The following GARS1 variants were observed in gnomAD, a reference collection of about 807,000 sequenced individuals.
GARS1 encodes the protein glycine--tRNA ligase.
In GARS1, 46 loss-of-function variants were observed where a neutral mutation model predicts 86.4. The ratio of observed to expected loss-of-function variants is 0.53; its 90% CI spans 0.42 to 0.68. The LOEUF is 0.68. Among genes scored for constraint, GARS1 ranks in the 30% least tolerant of loss-of-function variants. GARS1 has a pLI of 0.00. For synonymous variants in GARS1, 342 were observed against 329.8 expected (o/e 1.04, Z -0.40); for missense variants, 797 against 915.6 (o/e 0.87, Z 1.67).
In GARS1 at chr7:30,628,683, T is replaced by C. The variant is rs367739730; in HGVS notation, c.1809+14T>C. The C allele has an allele frequency of 1.1e-4, 163 of 1,539,890 alleles. No individual in the cohort carries two copies. Among genetic ancestry groups the C allele is most frequent in the Middle Eastern group, 1.7e-4 (1 of 5,928 alleles). ...GAACAGAGAACAGTAAGTTGTTGTG[T>C]ACAGTGTGCTGTTATAGTGTCAGAA... On this transcript the variant is annotated intron_variant, in intron 14 of 16. Coordinates refer to ENST00000389266, the MANE Select transcript of GARS1 (RefSeq NM_002047.4).
rs182324058 is a variant in GARS1, at chr7:30,607,603, G to C, written c.736-1982G>C. On this transcript the variant is annotated intron_variant, in intron 6 of 16. Coordinates refer to ENST00000389266, the MANE Select transcript of GARS1 (RefSeq NM_002047.4). ...AGGAGAAATACCTAATGTAAATGAC[G>C]AGTTGATGGGTGCAGCAAACCAACA... Among the ~76,000 whole-genome samples, 534 of 152,222 alleles carry C rather than the reference G, an allele frequency of 3.5e-3. 3 individuals carry two copies. Among genetic ancestry groups the C allele is most frequent in the African/African-American group, 0.012 (498 of 41,538 alleles).
chr7:30,604,111 A>C (rs536713659), intron 6 of GARS1, among the ~76,000 whole-genome samples: 15 of 152,306 alleles, frequency 9.8e-5, no homozygotes, highest in Non-Finnish European at 2.1e-4. Flanking sequence ...GAGACCACAG[A>C]GATAATTTAT....
intron 1 of GARS1, among the ~76,000 whole-genome samples, chr7:30,595,411 G>T (rs570233210): frequency 1.3e-5 from 2 of 152,062 alleles, no homozygotes; most frequent in Non-Finnish European, 2.9e-5. Flanking sequence ...CTCCGGCTCC[G>T]TTCTCCCTTC....
At chr7:30,597,615 T>G (rs1297807397) in intron 1 of GARS1, among the ~76,000 whole-genome samples, 2 of 151,942 alleles carry the variant, frequency 1.3e-5, no homozygotes, top group Non-Finnish European at 2.9e-5. Context: ...CAAGCCACCT[T>G]GAGTGAGACT....
At chr7:30,625,553 A>G (rs1420732469) in intron 12 of GARS1, among the ~76,000 whole-genome samples, 1 of 152,210 alleles carries the variant, frequency 6.6e-6, no homozygotes, top group East Asian at 1.9e-4. Flanking sequence ...GATATTCAAA[A>G]TGTGAGGAAA....
chr7:30,615,481 T>A (rs1782873727), intron 8 of GARS1, among the ~76,000 whole-genome samples: 1 of 152,230 alleles, frequency 6.6e-6, no homozygotes, highest in Non-Finnish European at 1.5e-5. Flanking sequence ...TTTCCTAATT[T>A]AAAAAACTAT....
chr7:30,632,408 C>T lies in GARS1; in HGVS notation c.2065C>T (p.Arg689Cys), dbSNP rs376308368. The change falls in exon 16 of 17, where the codon CGT (arginine) becomes TGT (cysteine). Residue 689 changes from arginine (R) to cysteine (C), a missense_variant. Around this residue, in one of 2 missense-constraint regions of GARS1, gnomAD observed 598 missense variants for 738.7 expected, o/e 0.81. Transcript: ENST00000389266. The surrounding 1 kb of genome is among the most constrained non-coding windows in gnomAD (Gnocchi z 4.1). Reference protein sequence around the residue: ...KTPHTATLRDRDSMRQIRAEI... With the variant: ...KTPHTATLRDCDSMRQIRAEI... Reference sequence around the variant, plus strand: ...CCCCCACACTGCAACTCTGAGGGACCGTGACTCAATGCGGCAGATAAGAGC... The same window carrying T: ...CCCCCACACTGCAACTCTGAGGGACTGTGACTCAATGCGGCAGATAAGAGC... 16 of 1,614,132 alleles carry T rather than the reference C, an allele frequency of 9.9e-6. No homozygotes were observed. The highest frequency in any genetic ancestry group is 1.3e-5 in the African/African-American group (1 of 75,042).
At chr7:30,599,432 T>C (rs973642202) in intron 2 of GARS1, among the ~76,000 whole-genome samples, 1 of 152,126 alleles carries the variant, frequency 6.6e-6, no homozygotes, top group Admixed American at 6.6e-5. Context: ...AGATGGAGTC[T>C]CGCCCTGTTG....
chr7:30,606,228 G>T (rs947773846), intron 6 of GARS1, among the ~76,000 whole-genome samples: 1 of 151,558 alleles, frequency 6.6e-6, no homozygotes, highest in Non-Finnish European at 1.5e-5. Context: ...TCTGTGGGCT[G>T]TGGCCATTGA....
At chr7:30,606,509 C>T (rs967497216) in intron 6 of GARS1, among the ~76,000 whole-genome samples, 2 of 152,074 alleles carry the variant, frequency 1.3e-5, no homozygotes, top group Non-Finnish European at 2.9e-5. Context: ...CCTGCCTTTT[C>T]GTTTTTTCCT....
intron 6 of GARS1, 113 bp downstream of exon 6, chr7:30,603,685 G>A: frequency 1.3e-6 from 1 of 794,656 alleles, no homozygotes; most frequent in Non-Finnish European, 2.2e-6. Flanking sequence ...TTGTAATGAA[G>A]CAGAGGTTAA....
rs886062274 is a variant in GARS1, at chr7:30,633,851, C to T, written c.2211C>T (p.Ile737=). The part of the protein sequence containing the change: ...EGQETGKKET[I]EE ...AAGAGACTGGTAAAAAAGAGACAAT[C>T]GAGGAATGAGGACAATTTTGACAAC... Residue 737 remains isoleucine, a synonymous_variant, in exon 17 of 17, where the codon ATC becomes ATT. Transcript: ENST00000389266. The T allele has an allele frequency of 7.5e-6, 12 of 1,592,230 alleles. No homozygotes were observed. Among genetic ancestry groups the T allele is most frequent in the Admixed American group, 3.4e-5 (2 of 59,152 alleles).
intron 1 of GARS1, among the ~76,000 whole-genome samples, chr7:30,596,464 G>A (rs535988293): frequency 6.6e-6 from 1 of 151,702 alleles, no homozygotes; most frequent in African/African-American, 2.4e-5. Flanking sequence ...CCCTTTAGAA[G>A]GAAGCATACA....
At chr7:30,624,168 G>A (rs982926492) in intron 12 of GARS1, among the ~76,000 whole-genome samples, 28 of 151,918 alleles carry the variant, frequency 1.8e-4, no homozygotes, top group African/African-American at 6.5e-4. Context: ...TGTGCAGTCC[G>A]AGACAGTTCT....
At chr7:30,622,245 G>GA in intron 11 of GARS1, 72 bp from the exon 12 acceptor site, 3 of 1,573,140 alleles carry the variant, frequency 1.9e-6, no homozygotes, top group Non-Finnish European at 2.6e-6. Flanking sequence ...GTTGATGATT[G>GA]ATTGTTCTCA....
At position 30,595,059 on chromosome 7, in the gene GARS1, GC is replaced by G. The variant is rs1466691619; in HGVS notation, c.141del (p.Ala48ProfsTer20). 6.4e-7 allele frequency: 1 copy of G among 1,552,376 alleles called. No individual in the cohort carries two copies. The highest frequency in any genetic ancestry group is 8.7e-7 in the Non-Finnish European group (1 of 1,155,136). The part of the protein sequence containing the change: ...SAASCPPISL[P>X]AAASRSSMDG... ...CGGCCTCCTGCCCCCCGATCTCCTT[GC>G]CCGCCGCCGCCTCCCGGAGCAGCAT... On this transcript the variant is annotated frameshift_variant, in exon 1 of 17. Coordinates refer to ENST00000389266, the MANE Select transcript of GARS1 (RefSeq NM_002047.4). LOFTEE classifies it high-confidence loss of function.
At chr7:30,622,099 C>A in intron 11 of GARS1, 1 of 575,144 alleles carries the variant, frequency 1.7e-6, no homozygotes, top group Admixed American at 2.8e-5. Flanking sequence ...CTCACTGTAA[C>A]TGGAAAAGTT....
rs148882918 is a variant in GARS1 at position 30,615,126 on chromosome 7, C to T, written c.1032-770C>T. On this transcript the variant is annotated intron_variant, in intron 8 of 16. Coordinates refer to ENST00000389266, the MANE Select transcript of GARS1 (RefSeq NM_002047.4). ...GAAACCATTACTATGTGCACTTCAT[C>T]GTTAGGTAATTAGCTTGATGTTAGC... Among the ~76,000 whole-genome samples, 220 of 152,300 alleles carry T rather than the reference C, an allele frequency of 1.4e-3. 1 individual carries two copies. The highest frequency in any genetic ancestry group is 4.7e-3 in the African/African-American group (195 of 41,570).
At chr7:30,619,777 T>A (rs1782964139) in intron 10 of GARS1, among the ~76,000 whole-genome samples, 1 of 95,520 alleles carries the variant, frequency 1.0e-5, no homozygotes, top group African/African-American at 4.8e-5. Context: ...TCTTTTTTTC[T>A]TTTTTTTTTT....
Sources: gnomAD v4.1 joint callset for allele counts (sites outside exome capture counted in the v4.1 genomes callset) on GRCh38, gnomAD v4.1.1 for gene constraint, gnomAD v4.1.1 regional missense constraint, Gnocchi (gnomAD v3.1) non-coding constraint, MANE v1.5 for transcripts, NCBI Gene and HGNC (gene_info 2026-07-23, HGNC 2026-07-21) for gene names.